The following IDI2 variants were observed in gnomAD, a reference collection of about 807,000 sequenced individuals.
IDI2 encodes the protein isopentenyl-diphosphate delta-isomerase 2.
A neutral mutation model predicts 14.8 loss-of-function variants in IDI2; 18 were observed. That is an observed-to-expected ratio of 1.22 (90% CI 0.84 to 1.80). IDI2 has a LOEUF of 1.80. Ranked by LOEUF, IDI2 falls within the 40% of genes most tolerant of loss-of-function variation. The probability of loss-of-function intolerance (pLI) is 0.00; values close to 1 mark genes in which losing one functional copy is unlikely to be tolerated. For missense variants in IDI2, 316 were observed against 283.2 expected (o/e 1.12, Z -0.83); for synonymous variants, 133 against 109.6 (o/e 1.21, Z -1.33).
At chr10:1,022,316 C>CT (rs1290830596) in intron 3 of IDI2, among the ~76,000 whole-genome samples, 1 of 151,910 alleles carries the variant, frequency 6.6e-6, no homozygotes, top group African/African-American at 2.4e-5. Context: ...AATTAAAACT[C>CT]TAAGACCTGT....
chr10:1,019,348 A>C lies in IDI2; in HGVS notation c.*169T>G, dbSNP rs997958281. 3.5e-6 allele frequency: 2 copies of C among 565,182 alleles called. No individual in the cohort carries two copies. The highest frequency in any genetic ancestry group is 3.4e-5 in the Admixed American group (1 of 29,684). 35.0% of individuals were successfully genotyped at this position (565,182 alleles called of 1,614,324 possible). On this transcript the variant is annotated 3_prime_UTR_variant, in exon 5 of 5. Coordinates refer to ENST00000277517, the MANE Select transcript of IDI2 (RefSeq NM_033261.3). ...GAAATATGGAAATAAGGAAAAGGGAAAATGAAGATATGACAAAGTTGATGA... is the reference window on the plus strand; with the variant it reads ...GAAATATGGAAATAAGGAAAAGGGACAATGAAGATATGACAAAGTTGATGA...
intron 4 of IDI2, among the ~76,000 whole-genome samples, chr10:1,020,122 CGTT>C (rs1389325802): frequency 3.9e-5 from 6 of 152,190 alleles, no homozygotes; most frequent in African/African-American, 9.7e-5. Flanking sequence ...AACCGGCTAG[CGTT>C]GTCAGGAGAA....
chr10:1,024,806 T>C (rs919629855), intron 1 of IDI2, 62 bp from the exon 2 acceptor site: 2 of 1,540,690 alleles, frequency 1.3e-6, no homozygotes, highest in Non-Finnish European at 1.8e-6. Context: ...GTTTTTGCTA[T>C]GTGTTACCAA....
rs140484326 is a variant in IDI2 at position 1,019,592 on chromosome 10, C to A, written c.609G>T (p.Arg203Ser). 3.8e-5 allele frequency: 62 copies of A among 1,614,082 alleles called. No individual in the cohort carries two copies. In the African/African-American group the frequency reaches 6.4e-4, roughly 17 times the overall value. ...VTPWLRTIAE[R>S]FLYRWWPHLD... ...GGTGAGGCCACCACCGGTACAGAAA[C>A]CTCTCGGCAATGGTTCTTAGCCAGG... The change falls in exon 5 of 5, where the codon AGG becomes AGT. Residue 203 changes from arginine (R) to serine (S), a missense_variant. Physicochemically the swap from Arg to Ser is moderately radical, Grantham distance 110 (BLOSUM62 -1). Transcript: ENST00000277517.
At chr10:1,024,127 C>A (rs1353129964) in intron 2 of IDI2, among the ~76,000 whole-genome samples, 1 of 152,178 alleles carries the variant, frequency 6.6e-6, no homozygotes, top group Non-Finnish European at 1.5e-5. Context: ...GCACACAACA[C>A]CCAAGGAGCA....
At chr10:1,023,897 C>G (rs1360206986) in intron 2 of IDI2, among the ~76,000 whole-genome samples, 1 of 152,182 alleles carries the variant, frequency 6.6e-6, no homozygotes, top group Admixed American at 6.5e-5. Flanking sequence ...GATCATTATG[C>G]ATGACATGGT....
intron 3 of IDI2, 72 bp downstream of exon 3, chr10:1,022,611 C>G: frequency 8.5e-7 from 1 of 1,169,638 alleles, no homozygotes; most frequent in Non-Finnish European, 1.3e-6. Flanking sequence ...CAGAGAGTTC[C>G]TGTCCCAGAT....
At chr10:1,022,546 C>T in intron 3 of IDI2, 137 bp downstream of exon 3, 2 of 680,100 alleles carry the variant, frequency 2.9e-6, no homozygotes, top group South Asian at 1.6e-5. Context: ...TCTGCCTAAG[C>T]TGCCGATTTT....
intron 4 of IDI2, among the ~76,000 whole-genome samples, chr10:1,020,307 C>G (rs577706709): frequency 6.6e-6 from 1 of 151,926 alleles, no homozygotes; most frequent in Non-Finnish European, 1.5e-5. Context: ...ACTGCAACCT[C>G]TGACTCCCAA....
At position 1,019,938 on chromosome 10, in the gene IDI2, ACTTT is replaced by A. The variant is rs1156454368; in HGVS notation, c.367-108_367-105del. The A allele has an allele frequency of 4.4e-6, 4 of 918,136 alleles. No individual in the cohort carries two copies. In the Admixed American group the frequency reaches 7.2e-5, roughly 17 times the overall value. 56.9% of individuals were successfully genotyped at this position (918,136 alleles called of 1,614,324 possible). A position where few individuals can be genotyped will look rare whatever the true frequency, so the allele number is the denominator to read the frequency against. Reference sequence around the variant, plus strand: ...CATTTGTTTTCCTCAGAAAATGAACACTTTCTTTGGTAATTGATAATTTCCAAAA... The same window carrying A: ...CATTTGTTTTCCTCAGAAAATGAACACTTTGGTAATTGATAATTTCCAAAA... On this transcript the variant is annotated intron_variant, in intron 4 of 4. Transcript: ENST00000277517.
chr10:1,022,720 C>T lies in IDI2; in HGVS notation c.198G>A (p.Leu66=), dbSNP rs561472973. 3 of 1,614,024 alleles carry T rather than the reference C, an allele frequency of 1.9e-6. No individual in the cohort carries two copies. ...CTTTCGTGTCCGACCTCTGCTGTATCAGGATTCGATTCTTGGTGTTAAACA... is the reference window on the plus strand; with the variant it reads ...CTTTCGTGTCCGACCTCTGCTGTATTAGGATTCGATTCTTGGTGTTAAACA... ...VVLFNTKNRI[L]IQQRSDTKVT... The change falls in exon 3 of 5, where the codon CTG becomes CTA. Residue 66 remains leucine, a synonymous_variant. Transcript: ENST00000277517.
At chr10:1,020,227 C>CTTTTTTTTTTTTTTTTTT (rs67920739) in intron 4 of IDI2, among the ~76,000 whole-genome samples, 2 of 144,390 alleles carry the variant, frequency 1.4e-5, no homozygotes, top group East Asian at 4.0e-4. Context: ...GAATTTCTTT[C>CTTTTTTTTTTTTTTTTTT]TTTTTTTTTT....
chr10:1,018,971 T>C lies in IDI2; in HGVS notation c.*546A>G, dbSNP rs143878742. The C allele has an allele frequency of 1.8e-3, 274 of 153,388 alleles. 2 individuals carry two copies. The South Asian group carries it at 0.022, about 12-fold the overall frequency. 9.5% of individuals were successfully genotyped at this position (153,388 alleles called of 1,614,324 possible). A position where few individuals can be genotyped will look rare whatever the true frequency, so the allele number is the denominator to read the frequency against. On this transcript the variant is annotated 3_prime_UTR_variant, in exon 5 of 5. Transcript: ENST00000277517. ...ACTGAAACGATCAAATGAACAGAAGTGGATAAACGTCGAGTCACTTGGCTG... is the reference window on the plus strand; with the variant it reads ...ACTGAAACGATCAAATGAACAGAAGCGGATAAACGTCGAGTCACTTGGCTG...
At chr10:1,022,624 C>T (rs774841145) in intron 3 of IDI2, 59 bp downstream of exon 3, 1 of 1,304,500 alleles carries the variant, frequency 7.7e-7, no homozygotes, top group Non-Finnish European at 1.1e-6. Context: ...TCCCAGATTC[C>T]TCCGGTCAAG....
chr10:1,024,973 G>A (rs900503001), intron 1 of IDI2, among the ~76,000 whole-genome samples: 1 of 149,214 alleles, frequency 6.7e-6, no homozygotes, highest in Non-Finnish European at 1.5e-5. Context: ...TGTTTTCCAG[G>A]TTTCCTTTAG....
intron 3 of IDI2, 193 bp downstream of exon 3, chr10:1,022,490 A>G (rs1832127457): frequency 2.1e-6 from 1 of 478,776 alleles, no homozygotes; most frequent in African/African-American, 1.9e-5. Flanking sequence ...TTACTTTTTT[A>G]AAAAAGAAAA....
chr10:1,024,689 C>G lies in IDI2; in HGVS notation c.35G>C (p.Arg12Pro), dbSNP rs755811799. Residue 12 changes from arginine (R) to proline (P), a missense_variant, in exon 2 of 5, where the codon CGT becomes CCT. Coordinates refer to ENST00000277517, the MANE Select transcript of IDI2 (RefSeq NM_033261.3). ...CATTTCCTCCAAGCGCTGCAACTGA[C>G]GCCTGTCAACCCAGTCAAGATTTAT... ...SDINLDWVDR[R>P]QLQRLEEMLI... 3 of 1,614,186 alleles carry G rather than the reference C, an allele frequency of 1.9e-6. No individual in the cohort carries two copies. Among genetic ancestry groups the G allele is most frequent in the Admixed American group, 1.7e-5 (1 of 60,026 alleles).
rs10159989 is a variant in IDI2, at chr10:1,019,310, A to G, written c.*207T>C. The G allele has an allele frequency of 0.021, 10,980 of 534,962 alleles. 936 individuals carry two copies. The highest frequency in any genetic ancestry group is 0.19 in the African/African-American group (9,815 of 52,574). The allele number at this position is 534,962 out of a possible 1,614,324, so 33.1% of individuals were successfully genotyped here. A position where few individuals can be genotyped will look rare whatever the true frequency, so the allele number is the denominator to read the frequency against. ...GGAAATGTTAAATTTCCTCCCTGCA[A>G]CCAGGCAGATGAGAAATATGGAAAT... On this transcript the variant is annotated 3_prime_UTR_variant, in exon 5 of 5. Coordinates refer to ENST00000277517, the MANE Select transcript of IDI2 (RefSeq NM_033261.3).
chr10:1,023,380 G>A (rs1007310539), intron 2 of IDI2, among the ~76,000 whole-genome samples: 1 of 151,948 alleles, frequency 6.6e-6, no homozygotes, highest in African/African-American at 2.4e-5. Context: ...GGAGGCTGAG[G>A]CAGGAGAATG....
Sources: gnomAD v4.1 joint callset for allele counts (sites outside exome capture counted in the v4.1 genomes callset) on GRCh38, gnomAD v4.1.1 for gene constraint, MANE v1.5 for transcripts, NCBI Gene and HGNC (gene_info 2026-07-23, HGNC 2026-07-21) for gene names.